Variants in MYO9A observed in about 807,000 individuals in gnomAD.
MYO9A encodes the protein myosin IXA.
MYO9A carries 103 observed loss-of-function variants against 293.3 expected under a neutral mutation model. The ratio of observed to expected loss-of-function variants is 0.35; its 90% CI spans 0.30 to 0.41. The LOEUF (loss-of-function observed/expected upper bound fraction) is 0.41. Among genes scored for constraint, MYO9A ranks in the 10% least tolerant of loss-of-function variants. The pLI is 1.00. For missense variants in MYO9A, 2,685 were observed against 3,033.0 expected (o/e 0.89, Z 2.69); for synonymous variants, 1,001 against 1,035.7 (o/e 0.97, Z 0.64).
intron 1 of MYO9A, among the ~76,000 whole-genome samples, chr15:72,085,351 C>A (rs940823080): frequency 6.6e-6 from 1 of 151,506 alleles, no homozygotes; most frequent in Admixed American, 6.6e-5. Flanking sequence ...CAAGATTGAG[C>A]CACTGCACTC....
At chr15:71,991,795 C>T in intron 10 of MYO9A, among the ~76,000 whole-genome samples, 1 of 152,174 alleles carries the variant, frequency 6.6e-6, no homozygotes, top group Non-Finnish European at 1.5e-5. Flanking sequence ...GATCTGTCGC[C>T]CAGGCTGGAG....
At position 71,827,191 on chromosome 15, in the gene MYO9A, G is replaced by A. The variant is rs927485652; in HGVS notation, c.7184-148C>T. The A allele has an allele frequency of 3.0e-5, 18 of 603,622 alleles. No homozygotes were observed. The South Asian group carries it at 4.2e-4, about 14-fold the overall frequency. 37.4% of individuals were successfully genotyped at this position (603,622 alleles called of 1,614,324 possible). A position where few individuals can be genotyped will look rare whatever the true frequency, so the allele number is the denominator to read the frequency against. ...ATGACTTACTATGGGCACAGTCACA[G>A]TAAGAGCTCACCATCCATTTCTCTA... On this transcript the variant is annotated intron_variant, in intron 41 of 41. Coordinates refer to ENST00000356056, the MANE Select transcript of MYO9A (RefSeq NM_006901.4).
intron 8 of MYO9A, among the ~76,000 whole-genome samples, chr15:72,004,623 A>T (rs1226158640): frequency 6.6e-6 from 1 of 152,218 alleles, no homozygotes; most frequent in Non-Finnish European, 1.5e-5. Flanking sequence ...TATACTCAAA[A>T]TACATAAACC....
At chr15:71,961,730 T>C (rs1457857569) in intron 13 of MYO9A, among the ~76,000 whole-genome samples, 3 of 152,124 alleles carry the variant, frequency 2.0e-5, no homozygotes, top group African/African-American at 7.2e-5. Context: ...TATCACCATA[T>C]AGATTTTTTT....
At chr15:72,026,275 GAAAAAAAAA>G (rs35491673) in intron 4 of MYO9A, among the ~76,000 whole-genome samples, 2 of 63,500 alleles carry the variant, frequency 3.1e-5, no homozygotes, top group Non-Finnish European at 5.4e-5. Context: ...TCCGTCTCAA[GAAAAAAAAA>G]AAAAAAAAAA....
intron 33 of MYO9A, 70 bp downstream of exon 33, chr15:71,862,430 A>T: frequency 1.7e-6 from 2 of 1,199,906 alleles, no homozygotes; most frequent in Middle Eastern, 1.9e-4. Flanking sequence ...GTTAAAGGAG[A>T]TATAAGACAA....
At chr15:71,953,735 C>T (rs946730087) in intron 14 of MYO9A, 1 of 152,166 alleles carries the variant, frequency 6.6e-6, no homozygotes, top group Non-Finnish European at 1.5e-5. Context: ...ATTTTCCAGA[C>T]TGTGACATAA....
chr15:72,039,726 G>A (rs2078168511), intron 2 of MYO9A, among the ~76,000 whole-genome samples: 1 of 152,166 alleles, frequency 6.6e-6, no homozygotes, highest in African/African-American at 2.4e-5. Context: ...CTACTCAAGA[G>A]GCTGAGACAG....
chr15:72,086,994 G>A (rs985173488), intron 1 of MYO9A, among the ~76,000 whole-genome samples: 2 of 152,092 alleles, frequency 1.3e-5, no homozygotes, highest in African/African-American at 2.4e-5. Flanking sequence ...TCAAACTCCC[G>A]ACCTCAGGTG....
intron 15 of MYO9A, among the ~76,000 whole-genome samples, chr15:71,947,154 C>A (rs956534251): frequency 6.6e-6 from 1 of 151,958 alleles, no homozygotes; most frequent in Non-Finnish European, 1.5e-5. Flanking sequence ...TGGTGGCATG[C>A]ACCTGTAGTC....
chr15:71,839,261 G>C (rs1298173144), intron 39 of MYO9A, among the ~76,000 whole-genome samples: 4 of 152,102 alleles, frequency 2.6e-5, no homozygotes, highest in African/African-American at 9.7e-5. Context: ...AAACTACTTG[G>C]ATATTTTGGC....
At chr15:71,954,263 C>T (rs1157968173) in intron 14 of MYO9A, among the ~76,000 whole-genome samples, 3 of 152,022 alleles carry the variant, frequency 2.0e-5, no homozygotes, top group African/African-American at 7.2e-5. Context: ...TGCAGTGGTG[C>T]GATCTCCGCT....
intron 1 of MYO9A, among the ~76,000 whole-genome samples, chr15:72,074,395 G>A (rs536811679): frequency 3.3e-5 from 5 of 152,000 alleles, no homozygotes; most frequent in African/African-American, 1.2e-4. Context: ...ACTCATCGGA[G>A]AGCTGAGAAT....
intron 1 of MYO9A, among the ~76,000 whole-genome samples, chr15:72,102,057 G>A (rs1306835055): frequency 6.6e-6 from 1 of 151,206 alleles, no homozygotes; most frequent in African/African-American, 2.4e-5. Context: ...GGCGGGAAAG[G>A]TGGGGAAAAG....
At chr15:71,893,399 T>C in intron 26 of MYO9A, 1 of 457,520 alleles carries the variant, frequency 2.2e-6, no homozygotes, top group South Asian at 2.2e-5. Flanking sequence ...ATCTACACTG[T>C]TCTACATAGC....
chr15:71,926,846 TA>T (rs1567280589), intron 18 of MYO9A, among the ~76,000 whole-genome samples: 2 of 152,126 alleles, frequency 1.3e-5, no homozygotes, highest in Non-Finnish European at 2.9e-5. Flanking sequence ...ATGCAAAGCA[TA>T]GTGGTTCTGT....
chr15:72,085,393 C>CA (rs766156056), intron 1 of MYO9A, among the ~76,000 whole-genome samples: 3,712 of 94,956 alleles, frequency 0.039, 147 homozygotes, highest in African/African-American at 0.13. Context: ...GAGTCTGTCT[C>CA]AAAAAAAAAA....
At chr15:71,935,110 A>T in intron 17 of MYO9A, 1 of 421,356 alleles carries the variant, frequency 2.4e-6, no homozygotes, top group Non-Finnish European at 4.2e-6. Context: ...CTCAGTCATG[A>T]TTCTCCTGGT....
Position 72,020,171 on chromosome 15 carries a change from G to A in MYO9A, c.1098+747C>T, listed in dbSNP as rs545365696. Among the ~76,000 whole-genome samples the A allele has an allele frequency of 7.2e-5, 11 of 152,114 alleles. No individual in the cohort carries two copies. In the South Asian group the frequency reaches 1.7e-3, roughly 23 times the overall value. ...AATGGTCATAAAGGGATTTATTTCC[G>A]TAGACATTACATCTTGCCTCCAACA... On this transcript the variant is annotated intron_variant, in intron 5 of 41. Coordinates refer to ENST00000356056, the MANE Select transcript of MYO9A (RefSeq NM_006901.4).
Sources: gnomAD v4.1 joint callset for allele counts (sites outside exome capture counted in the v4.1 genomes callset) on GRCh38, gnomAD v4.1.1 for gene constraint, MANE v1.5 for transcripts, NCBI Gene and HGNC (gene_info 2026-07-23, HGNC 2026-07-21) for gene names.